ITGB2: variants seen among roughly 807,000 people sequenced by gnomAD.
ITGB2 encodes integrin beta-2.
ITGB2 carries 56 observed loss-of-function variants against 86.8 expected under a neutral mutation model. The ratio of observed to expected loss-of-function variants is 0.65; its 90% confidence interval spans 0.52 to 0.81. ITGB2 has a LOEUF of 0.81. Ranked by LOEUF, ITGB2 falls within the 30% of genes least tolerant of loss-of-function variation. The pLI is 0.00. For synonymous variants in ITGB2, 457 were observed against 450.4 expected, an observed-to-expected ratio of 1.01 and a Z score of -0.19; for missense variants, 948 against 1,061.2, an observed-to-expected ratio of 0.89 and a Z score of 1.48.
intron 1 of ITGB2, among the ~76,000 whole-genome samples, chr21:44,913,259 G>A (rs1324355923): frequency 2.0e-5 from 3 of 152,078 alleles, no homozygotes; most frequent in African/African-American, 2.4e-5. Context: ...CCAGCTCCAC[G>A]CTCTCCCTGG....
chr21:44,899,815 C>T (rs1341964459), intron 7 of ITGB2, among the ~76,000 whole-genome samples: 5 of 152,232 alleles, frequency 3.3e-5, no homozygotes, highest in Non-Finnish European at 5.9e-5. Flanking sequence ...CTGTCCCTCC[C>T]TGCATGTTCC....
At chr21:44,898,115 G>A (rs1215761087) in intron 8 of ITGB2, among the ~76,000 whole-genome samples, 1 of 152,170 alleles carries the variant, frequency 6.6e-6, no homozygotes, top group Non-Finnish European at 1.5e-5. Context: ...TTTGGGGTGG[G>A]GCCCTGGACA....
At chr21:44,915,497 G>A (rs981824986) in intron 1 of ITGB2, among the ~76,000 whole-genome samples, 6 of 152,180 alleles carry the variant, frequency 3.9e-5, no homozygotes, top group Non-Finnish European at 1.5e-5. Context: ...GGAGGTGCGC[G>A]GGAAGTGATG....
chr21:44,919,119 C>G (rs2084257806), intron 1 of ITGB2, among the ~76,000 whole-genome samples: 1 of 151,710 alleles, frequency 6.6e-6, no homozygotes, highest in Non-Finnish European at 1.5e-5. Context: ...CACAGCCCGC[C>G]CGGTCACCTG....
chr21:44,903,500 C>T lies in ITGB2; in HGVS notation c.364G>A (p.Ala122Thr). ...AAAFNVTFRRAKGYPIDLYYL... is the reference protein window; with the variant it reads ...AAAFNVTFRRTKGYPIDLYYL... ...TACAGGTCGATGGGGTAGCCCTTGG[C>T]CCGCCGGAAGGTCACGTTGAACGCT... is the stretch of plus-strand genomic sequence containing the variant. Residue 122 changes from alanine to threonine, a missense_variant, in exon 5 of 16, where the codon GCC becomes ACC. By Grantham distance (58) the Ala-to-Thr change is moderately conservative. Coordinates refer to ENST00000652462, the MANE Select transcript of ITGB2 (RefSeq NM_000211.5). 1 of 1,614,084 alleles carries T rather than the reference C, an allele frequency of 6.2e-7. No individual in the cohort carries two copies. Among genetic ancestry groups the T allele is most frequent in the Non-Finnish European group, 8.5e-7 (1 of 1,179,970 alleles).
chr21:44,901,367 C>T, intron 6 of ITGB2, 125 bp downstream of exon 6: 3 of 1,267,536 alleles, frequency 2.4e-6, no homozygotes, highest in African/African-American at 1.5e-5. Context: ...CTGCTCTCCC[C>T]AGGCCCAGGC....
Position 44,890,304 on chromosome 21 carries a change from T to C in ITGB2, c.1413-82A>G, listed in dbSNP as rs73374577. 12,137 of 1,574,070 alleles carry C rather than the reference T, an allele frequency of 7.7e-3. 582 individuals carry two copies. In the African/African-American group the frequency reaches 0.12, roughly 15 times the overall value. ...CAGCCGCCCTGTCCTCCAGGCCCCT[T>C]GCCCTTGGTGGAGAACACCCCTATG... is the stretch of plus-strand genomic sequence containing the variant. On this transcript the variant is annotated intron_variant, in intron 11 of 15. Coordinates refer to ENST00000652462, the MANE Select transcript of ITGB2 (RefSeq NM_000211.5).
chr21:44,891,805 T>A lies in ITGB2; in HGVS notation c.1412+4A>T. 1 of 1,603,598 alleles carries A rather than the reference T, an allele frequency of 6.2e-7. No individual in the cohort carries two copies. The highest frequency in any genetic ancestry group is 8.5e-7 in the Non-Finnish European group (1 of 1,179,878). ...GGTTCAACAGGGACCTGCGCCCGCCTCACCTGCAGATGCCGCACTCCAAGA... is the reference window on the plus strand; with the variant it reads ...GGTTCAACAGGGACCTGCGCCCGCCACACCTGCAGATGCCGCACTCCAAGA... On this transcript the variant is annotated splice_donor_region_variant and intron_variant, in intron 11 of 15. Coordinates refer to ENST00000652462, the MANE Select transcript of ITGB2 (RefSeq NM_000211.5).
rs1226901296 is a variant in ITGB2, at chr21:44,886,874, G to A, written c.2109C>T (p.Ala703=). 6.2e-7 allele frequency: 1 copy of A among 1,613,512 alleles called. No individual in the cohort carries two copies. The highest frequency in any genetic ancestry group is 8.5e-7 in the Non-Finnish European group (1 of 1,180,026). ...RECVAGPNIA[A]IVGGTVAGIV... ...TGCCTGCCACGGTGCCCCCGACGAT[G>A]GCGGCGATGTTGGGGCCTGCCACAC... Residue 703 remains alanine, a synonymous_variant, in exon 15 of 16, where the codon GCC becomes GCT. Coordinates refer to ENST00000652462, the MANE Select transcript of ITGB2 (RefSeq NM_000211.5).
At chr21:44,903,030 C>T (rs2838732) in intron 5 of ITGB2, among the ~76,000 whole-genome samples, 26,258 of 152,154 alleles carry the variant, frequency 0.17, 2,494 homozygotes, top group Middle Eastern at 0.27. Flanking sequence ...GTCGCTGTGC[C>T]GTCTATATGT....
At chr21:44,894,943 TC>T in intron 9 of ITGB2, 27 bp downstream of exon 9, 1 of 1,475,738 alleles carries the variant, frequency 6.8e-7, no homozygotes, top group Non-Finnish European at 9.5e-7. Context: ...ACCCCATGGG[TC>T]CCAGCTGAGT....
At chr21:44,900,548 C>A (rs779493204) in intron 6 of ITGB2, 73 bp from the exon 7 acceptor site, 23 of 1,576,252 alleles carry the variant, frequency 1.5e-5, no homozygotes, top group East Asian at 2.3e-5. Context: ...GCAGAGGAGA[C>A]GATGCAGAGC....
At chr21:44,908,850 G>A (rs1038732967) in intron 3 of ITGB2, among the ~76,000 whole-genome samples, 1 of 152,222 alleles carries the variant, frequency 6.6e-6, no homozygotes, top group Admixed American at 6.5e-5. Flanking sequence ...CAGAAAGCAA[G>A]AAAGTGCTCA....
chr21:44,889,277 T>A lies in ITGB2; in HGVS notation c.1876A>T (p.Ile626Phe). The change falls in exon 13 of 16, where the codon ATC becomes TTC. Residue 626 changes from isoleucine (I) to phenylalanine (F), a missense_variant and splice_region_variant. By Grantham distance (21) the Ile-to-Phe change is conservative. Transcript: ENST00000652462. ...PGCPSPCGKY[I>F]SCAECLKFEK... ...CCTGCCTGCTCCGCCTGCACTCACA[T>A]GTACTTGCCACAGGGTGAGGGGCAG... 1 of 1,612,506 alleles carries A rather than the reference T, an allele frequency of 6.2e-7. No homozygotes were observed. The highest frequency in any genetic ancestry group is 8.5e-7 in the Non-Finnish European group (1 of 1,179,674).
exon 1 of ITGB2, chr21:44,928,769 G>A (rs548704288): frequency 9.2e-5 from 16 of 173,582 alleles, no homozygotes; most frequent in African/African-American, 1.9e-4. Context: ...CTGCCCAAAC[G>A]GAGCCACGTG....
chr21:44,908,081 C>G, intron 3 of ITGB2: 1 of 718,568 alleles, frequency 1.4e-6, no homozygotes, highest in African/African-American at 1.7e-5. Flanking sequence ...CACCTGGGGC[C>G]TGGCCACCCT....
chr21:44,902,828 G>A (rs1211633664), intron 5 of ITGB2, among the ~76,000 whole-genome samples: 2 of 151,510 alleles, frequency 1.3e-5, no homozygotes, highest in Non-Finnish European at 2.9e-5. Context: ...GTGTGTTATC[G>A]TGCATGTGTG....
intron 2 of ITGB2, 132 bp from the exon 3 acceptor site, chr21:44,910,504 C>T (rs1380964186): frequency 1.3e-5 from 20 of 1,538,838 alleles, no homozygotes; most frequent in South Asian, 1.3e-4. Flanking sequence ...ACCCCGCATT[C>T]GCCACCACCC....
At position 44,914,030 on chromosome 21, in the gene ITGB2, C is replaced by G. The variant is rs138880009; in HGVS notation, c.-3-3245G>C. On this transcript the variant is annotated intron_variant, in intron 1 of 15. Coordinates refer to ENST00000652462, the MANE Select transcript of ITGB2 (RefSeq NM_000211.5). ...CCCTGAGCTGGCCCCAGAGCTCTGG[C>G]CTGGAGCCTGATCACCCTGAGGCCC... Among the ~76,000 whole-genome samples, 514 of 152,170 alleles carry G rather than the reference C, an allele frequency of 3.4e-3. 4 individuals are homozygous for G. Among genetic ancestry groups the G allele is most frequent in the African/African-American group, 0.011 (466 of 41,524 alleles).
Sources: allele counts gnomAD v4.1 joint callset (sites outside exome capture counted in the v4.1 genomes callset), GRCh38; gene constraint gnomAD v4.1.1; transcripts MANE v1.5; gene names NCBI Gene and HGNC (gene_info 2026-07-23, HGNC 2026-07-21).